The following CPA6 variants were observed in gnomAD, a reference collection of about 807,000 sequenced individuals.
CPA6 encodes carboxypeptidase A6, also known as carboxypeptidase B.
Under a neutral mutation model 63.3 loss-of-function variants are expected in CPA6, and 58 were observed. The ratio of observed to expected loss-of-function variants is 0.92; its 90% CI spans 0.74 to 1.14. CPA6 has a LOEUF of 1.14. CPA6 is among the 50% of genes most tolerant of loss of function. The probability of loss-of-function intolerance (pLI) is 0.00; values close to 1 mark genes in which losing one functional copy is unlikely to be tolerated. For synonymous variants in CPA6, 185 were observed against 179.0 expected (o/e 1.03, Z -0.27); for missense variants, 565 against 526.6 (o/e 1.07, Z -0.71).
At chr8:67,564,984 C>A (rs773988010) in intron 2 of CPA6, among the ~76,000 whole-genome samples, 8 of 152,104 alleles carry the variant, frequency 5.3e-5, no homozygotes, top group Non-Finnish European at 8.8e-5. Context: ...AGAACCGCAG[C>A]GTGGTCTTCT....
In CPA6 at chr8:67,641,211, A is replaced by AG. The variant is rs1370298650; in HGVS notation, c.117-16961dup. On this transcript the variant is annotated intron_variant, in intron 1 of 10. Transcript: ENST00000297770. ...TGAACCTACCAAGATAAAATTAAACAGACAGCTTTGGCTGGGTTTCAGTAA... is the reference window on the plus strand; with the variant it reads ...TGAACCTACCAAGATAAAATTAAACAGGACAGCTTTGGCTGGGTTTCAGTAA... Among the ~76,000 whole-genome samples the AG allele has an allele frequency of 1.3e-5, 2 of 151,826 alleles. 1 individual carries two copies. Among genetic ancestry groups the AG allele is most frequent in the African/African-American group, 4.9e-5 (2 of 41,060 alleles).
chr8:67,580,570 A>G lies in CPA6; in HGVS notation c.192+43606T>C, dbSNP rs79228079. Among the ~76,000 whole-genome samples, 144 of 152,312 alleles carry G rather than the reference A, an allele frequency of 9.5e-4. 4 individuals are homozygous for G. The East Asian group carries it at 0.021, about 22-fold the overall frequency. On this transcript the variant is annotated intron_variant, in intron 2 of 10. Coordinates refer to ENST00000297770, the MANE Select transcript of CPA6 (RefSeq NM_020361.5). ...CAAGAGTATGTTTACCTAAGTTGAT[A>G]ATAAAGTCAGAGATGGGGGCTTGCA...
chr8:67,642,244 G>A (rs1444892108), intron 1 of CPA6, among the ~76,000 whole-genome samples: 2 of 151,936 alleles, frequency 1.3e-5, no homozygotes, highest in African/African-American at 4.8e-5. Flanking sequence ...CTTGAACCTG[G>A]GAGGCAGAGG....
chr8:67,576,153 T>C (rs1014231767), intron 2 of CPA6, among the ~76,000 whole-genome samples: 4 of 152,160 alleles, frequency 2.6e-5, no homozygotes, highest in Non-Finnish European at 1.5e-5. Context: ...GTACTGTACA[T>C]TTTAACATCA....
intron 1 of CPA6, among the ~76,000 whole-genome samples, chr8:67,643,466 A>T (rs912247379): frequency 6.6e-6 from 1 of 152,268 alleles, no homozygotes; most frequent in African/African-American, 2.4e-5. Flanking sequence ...CAAGTCACAG[A>T]AGAATACATA....
At chr8:67,561,733 T>C (rs1813217722) in intron 2 of CPA6, among the ~76,000 whole-genome samples, 2 of 152,122 alleles carry the variant, frequency 1.3e-5, no homozygotes, top group South Asian at 4.1e-4. Flanking sequence ...ATTTTGAGGG[T>C]CCTATTGTGA....
intron 2 of CPA6, among the ~76,000 whole-genome samples, chr8:67,525,866 C>T (rs1017313567): frequency 9.2e-5 from 14 of 152,046 alleles, no homozygotes; most frequent in African/African-American, 2.2e-4. Context: ...ATTGGAGACC[C>T]GCAAAAGCAG....
chr8:67,480,063 A>C (rs953272759), intron 8 of CPA6, among the ~76,000 whole-genome samples: 3 of 152,148 alleles, frequency 2.0e-5, no homozygotes, highest in Non-Finnish European at 4.4e-5. Flanking sequence ...AAAAAATCGT[A>C]TAGTTTTCTC....
chr8:67,473,050 T>C (rs1194553093), intron 8 of CPA6, among the ~76,000 whole-genome samples: 1 of 152,220 alleles, frequency 6.6e-6, no homozygotes, highest in Non-Finnish European at 1.5e-5. Context: ...ATAATCAGTG[T>C]CTAGATTAGG....
At chr8:67,604,323 T>C (rs1292163992) in intron 2 of CPA6, among the ~76,000 whole-genome samples, 1 of 152,230 alleles carries the variant, frequency 6.6e-6, no homozygotes, top group African/African-American at 2.4e-5. Flanking sequence ...AGACTGGCCC[T>C]TCTGCCTGGT....
intron 8 of CPA6, among the ~76,000 whole-genome samples, chr8:67,453,253 G>A (rs1587442329): frequency 6.6e-6 from 1 of 152,240 alleles, no homozygotes; most frequent in East Asian, 1.9e-4. Flanking sequence ...GGAATCTGGA[G>A]CGATTCTTAA....
intron 1 of CPA6, among the ~76,000 whole-genome samples, chr8:67,649,493 G>T (rs1428452768): frequency 6.6e-6 from 1 of 151,914 alleles, no homozygotes; most frequent in African/African-American, 2.4e-5. Context: ...TATCTCATTT[G>T]GTCCTCTTAT....
chr8:67,481,052 A>C, intron 8 of CPA6, among the ~76,000 whole-genome samples: 1 of 152,182 alleles, frequency 6.6e-6, no homozygotes, highest in East Asian at 1.9e-4. Context: ...CTATGTTTTG[A>C]ATAGAAGTCT....
intron 8 of CPA6, among the ~76,000 whole-genome samples, chr8:67,457,771 A>G (rs372387743): frequency 1.2e-4 from 19 of 152,074 alleles, no homozygotes; most frequent in African/African-American, 3.9e-4. Context: ...CCAAGCCCCT[A>G]CTGATCGAAC....
intron 2 of CPA6, among the ~76,000 whole-genome samples, chr8:67,556,627 C>T (rs909544230): frequency 6.6e-6 from 1 of 152,186 alleles, no homozygotes; most frequent in Non-Finnish European, 1.5e-5. Flanking sequence ...AGCTTAGTTA[C>T]ACTGACACAT....
chr8:67,464,769 C>T (rs1401597306), intron 8 of CPA6, among the ~76,000 whole-genome samples: 1 of 152,172 alleles, frequency 6.6e-6, no homozygotes. Flanking sequence ...AATACGGAGT[C>T]CTATCCCCAT....
chr8:67,694,766 A>G (rs540564694), intron 1 of CPA6, among the ~76,000 whole-genome samples: 39 of 152,222 alleles, frequency 2.6e-4, no homozygotes, highest in Non-Finnish European at 5.4e-4. Flanking sequence ...GCAGCGCTAC[A>G]GCCCCTGTCT....
intron 2 of CPA6, among the ~76,000 whole-genome samples, chr8:67,606,466 A>G (rs1179879664): frequency 2.6e-5 from 4 of 152,154 alleles, no homozygotes; most frequent in Non-Finnish European, 5.9e-5. Context: ...GTTTTCTCCA[A>G]TAGGTCCAGG....
intron 1 of CPA6, among the ~76,000 whole-genome samples, chr8:67,635,478 GA>G (rs1191579164): frequency 6.6e-6 from 1 of 151,632 alleles, no homozygotes; most frequent in Non-Finnish European, 1.5e-5. Flanking sequence ...TTATATAAAA[GA>G]AAAAGGGGCT....
Sources: gnomAD v4.1 joint callset for allele counts (sites outside exome capture counted in the v4.1 genomes callset) on GRCh38, gnomAD v4.1.1 for gene constraint, MANE v1.5 for transcripts, NCBI Gene and HGNC (gene_info 2026-07-23, HGNC 2026-07-21) for gene names.